The following DDR2 variants were observed in gnomAD, a reference collection of about 807,000 sequenced individuals.
DDR2 encodes the protein discoidin domain receptor tyrosine kinase 2, also known as discoidin domain-containing receptor 2.
Under a neutral mutation model 94.9 loss-of-function variants are expected in DDR2, and 27 were observed. The ratio of observed to expected loss-of-function variants is 0.28; its 90% CI spans 0.21 to 0.39. The LOEUF (loss-of-function observed/expected upper bound fraction) is 0.39. DDR2 is among the 10% of genes least tolerant of loss of function. The probability of loss-of-function intolerance (pLI) is 1.00; values close to 1 mark genes in which losing one functional copy is unlikely to be tolerated. For synonymous variants in DDR2, 382 were observed against 377.2 expected (o/e 1.01, Z -0.15); for missense variants, 783 against 1,076.0 (o/e 0.73, Z 3.81).
Position 162,777,039 on chromosome 1 carries a change from A to T in DDR2, c.2283+669A>T, listed in dbSNP as rs536173196. Among the ~76,000 whole-genome samples, 5 of 152,244 alleles carry T rather than the reference A, an allele frequency of 3.3e-5. No homozygotes were observed. In the East Asian group the frequency reaches 9.6e-4, roughly 29 times the overall value. On this transcript the variant is annotated intron_variant, in intron 16 of 17. Coordinates refer to ENST00000367921, the MANE Select transcript of DDR2 (RefSeq NM_006182.4). The stretch of plus-strand genomic sequence containing the variant: ...TATCTTTTTTCTTGTGTGACATTGC[A>T]GAGAAAAGTCTGAGACCAATTTGGT...
At chr1:162,728,226 A>C (rs1290360823) in intron 3 of DDR2, among the ~76,000 whole-genome samples, 3 of 147,488 alleles carry the variant, frequency 2.0e-5, no homozygotes, top group Non-Finnish European at 4.5e-5. Flanking sequence ...ATATAGATAG[A>C]TATATCTTTA....
chr1:162,678,177 A>G (rs1395961344), intron 2 of DDR2, among the ~76,000 whole-genome samples: 1 of 152,190 alleles, frequency 6.6e-6, no homozygotes, highest in East Asian at 1.9e-4. Context: ...CTAGTTACCT[A>G]TTGGTAGTTA....
Position 162,656,846 on chromosome 1 carries a change from TTTTATTTTTTTTG to T in DDR2, c.-28+1475_-28+1487del, listed in dbSNP as rs1213222516. ...CCTGCCACTGGAGTTTTTTTTTTTT[TTTTATTTTTTTTG>T]TTAACAGGGTTTTGCTCTGTCACCC... On this transcript the variant is annotated intron_variant, in intron 2 of 17. Transcript: ENST00000367921. 9.7e-5 allele frequency among the ~76,000 whole-genome samples: 12 copies of T among 123,210 alleles called. 1 individual carries two copies. In the South Asian group the frequency reaches 2.6e-3, roughly 27 times the overall value. The allele number at this position is 123,210 out of a possible 152,430, so 80.8% of individuals were successfully genotyped here. A position where few individuals can be genotyped will look rare whatever the true frequency, so the allele number is the denominator to read the frequency against.
chr1:162,747,251 G>A (rs143730767), intron 3 of DDR2, among the ~76,000 whole-genome samples: 2,596 of 152,192 alleles, frequency 0.017, 36 homozygotes, highest in South Asian at 0.046. Context: ...CAAACCCATC[G>A]CAAAGAAGCT....
rs2102150572 is a variant in DDR2, at chr1:162,759,916, C to T, written c.792C>T (p.Ala264=). 6.2e-7 allele frequency: 1 copy of T among 1,614,172 alleles called. No homozygotes were observed. Among genetic ancestry groups the T allele is most frequent in the Non-Finnish European group, 8.5e-7 (1 of 1,180,026 alleles). The change falls in exon 8 of 18, where the codon GCC becomes GCT. Residue 264 remains alanine (A), a synonymous_variant. Transcript: ENST00000367921. ...ATGTGGGCTGGCGGAACGAGAGTGC[C>T]ACCAATGGCTACATTGAGATCATGT... is the stretch of plus-strand genomic sequence containing the variant. The part of the protein sequence containing the change: ...YDYVGWRNES[A]TNGYIEIMFE...
chr1:162,639,635 G>T (rs1432811398), intron 1 of DDR2, among the ~76,000 whole-genome samples: 2 of 152,198 alleles, frequency 1.3e-5, no homozygotes, highest in Admixed American at 1.3e-4. Context: ...TCCCTGATTA[G>T]CTGGACTTCA....
At chr1:162,643,606 G>A (rs576221872) in intron 1 of DDR2, among the ~76,000 whole-genome samples, 7 of 151,700 alleles carry the variant, frequency 4.6e-5, no homozygotes, top group East Asian at 1.9e-4. Context: ...TCAGCCTTCC[G>A]AGTAGCTGGG....
chr1:162,717,695 A>AT (rs1661234247), intron 2 of DDR2, among the ~76,000 whole-genome samples: 1 of 152,120 alleles, frequency 6.6e-6, no homozygotes, highest in African/African-American at 2.4e-5. Flanking sequence ...TTTTCTGGTG[A>AT]TTTTTTTATA....
intron 2 of DDR2, among the ~76,000 whole-genome samples, chr1:162,692,210 C>T (rs552555116): frequency 2.0e-5 from 3 of 152,328 alleles, no homozygotes; most frequent in East Asian, 3.9e-4. Context: ...TAGAAAGTGC[C>T]TTCCCTCCAC....
intron 2 of DDR2, among the ~76,000 whole-genome samples, chr1:162,704,502 T>C (rs1189518425): frequency 6.6e-6 from 1 of 152,200 alleles, no homozygotes; most frequent in Non-Finnish European, 1.5e-5. Flanking sequence ...TCCAGTTACC[T>C]TATAAACAAC....
chr1:162,747,968 C>A (rs1024766221), intron 3 of DDR2, among the ~76,000 whole-genome samples: 2 of 152,130 alleles, frequency 1.3e-5, no homozygotes, highest in Non-Finnish European at 2.9e-5. Context: ...TTTGTCACCA[C>A]CAGGCCTGCC....
chr1:162,645,142 C>T (rs1216969120), intron 1 of DDR2, among the ~76,000 whole-genome samples: 2 of 152,182 alleles, frequency 1.3e-5, no homozygotes, highest in Non-Finnish European at 2.9e-5. Context: ...TCACTCATGC[C>T]TGGTGAACAG....
intron 1 of DDR2, among the ~76,000 whole-genome samples, chr1:162,633,551 C>G (rs762852435): frequency 1.3e-5 from 2 of 152,230 alleles, no homozygotes; most frequent in Non-Finnish European, 2.9e-5. Flanking sequence ...CTGTTCAAGT[C>G]CCACAGCACA....
At chr1:162,761,076 A>T in intron 8 of DDR2, 135 bp from the exon 9 acceptor site, 1 of 1,288,014 alleles carries the variant, frequency 7.8e-7, no homozygotes, top group Non-Finnish European at 1.1e-6. Context: ...AGGAAGCAGG[A>T]TGGCAGTCTT....
In DDR2 at chr1:162,772,048, T is replaced by C. The variant is rs201904366; in HGVS notation, c.1529T>C (p.Val510Ala). 150 of 1,611,318 alleles carry C rather than the reference T, an allele frequency of 9.3e-5. No homozygotes were observed. Among genetic ancestry groups the C allele is most frequent in the Non-Finnish European group, 1.2e-4 (142 of 1,178,938 alleles). The change falls in exon 13 of 18, where the codon GTC (valine) becomes GCC (alanine). Residue 510 changes from valine (V) to alanine (A), a missense_variant. Val to Ala is a moderately conservative substitution (Grantham distance 64). This residue lies in a region of DDR2 where 264 missense variants were observed against 428.2 expected (regional missense o/e 0.62). Coordinates refer to ENST00000367921, the MANE Select transcript of DDR2 (RefSeq NM_006182.4). ...ESGCSGVVKP[V>A]QPSGPEGVPH... ...GGCTGCAGCGGTGTTGTGAAGCCAG[T>C]CCAGCCCAGTGGCCCTGAGGGGGTG...
Position 162,765,984 on chromosome 1 carries a change from C to T in DDR2, c.1100-17C>T. The T allele has an allele frequency of 6.2e-7, 1 of 1,613,696 alleles. No homozygotes were observed. Among genetic ancestry groups the T allele is most frequent in the Non-Finnish European group, 8.5e-7 (1 of 1,179,948 alleles). On this transcript the variant is annotated splice_polypyrimidine_tract_variant and intron_variant, in intron 9 of 17. Transcript: ENST00000367921. ...CTGTCTTCTCCCTGGCTCTGACTCACCCTTGTTTTATAACAGATGCTGCAA... is the reference window on the plus strand; with the variant it reads ...CTGTCTTCTCCCTGGCTCTGACTCATCCTTGTTTTATAACAGATGCTGCAA...
intron 2 of DDR2, among the ~76,000 whole-genome samples, chr1:162,674,599 C>T (rs773179606): frequency 6.6e-6 from 1 of 152,178 alleles, no homozygotes; most frequent in Non-Finnish European, 1.5e-5. Flanking sequence ...TTGGTGAAAG[C>T]AGCTCACCCC....
At chr1:162,674,621 T>C (rs10799862) in intron 2 of DDR2, among the ~76,000 whole-genome samples, 105,826 of 152,056 alleles carry the variant, frequency 0.7, 37,411 homozygotes, top group Middle Eastern at 0.81. Flanking sequence ...TTTGCTTTAC[T>C]GTTTCACCAG....
chr1:162,709,664 C>T (rs182653536), intron 2 of DDR2, among the ~76,000 whole-genome samples: 1 of 152,314 alleles, frequency 6.6e-6, no homozygotes, highest in East Asian at 1.9e-4. Context: ...CTTCTGCTCA[C>T]CAGCACATGC....
Sources: allele counts gnomAD v4.1 joint callset (sites outside exome capture counted in the v4.1 genomes callset), GRCh38; gene constraint gnomAD v4.1.1; regional missense constraint gnomAD v4.1.1; transcripts MANE v1.5; gene names NCBI Gene and HGNC (gene_info 2026-07-23, HGNC 2026-07-21).